Variants in PLCE1 observed in about 807,000 individuals in gnomAD.
PLCE1 encodes the protein 1-phosphatidylinositol 4,5-bisphosphate phosphodiesterase epsilon-1.
PLCE1 carries 119 observed loss-of-function variants against 242.8 expected under a neutral mutation model. The observed-to-expected ratio is 0.49, with a 90% CI of 0.42 to 0.57. The LOEUF is 0.57. PLCE1 is among the 20% of genes least tolerant of loss of function. The probability of loss-of-function intolerance (pLI) is 0.00; values close to 1 mark genes in which losing one functional copy is unlikely to be tolerated. For synonymous variants in PLCE1, 945 were observed against 1,017.4 expected (o/e 0.93, Z 1.35); for missense variants, 2,441 against 2,788.8 (o/e 0.88, Z 2.81).
chr10:94,310,423 C>T (rs901643555), intron 27 of PLCE1, among the ~76,000 whole-genome samples: 1 of 152,122 alleles, frequency 6.6e-6, no homozygotes, highest in Non-Finnish European at 1.5e-5. Flanking sequence ...GTGCACAGGC[C>T]ACACCCCGCA....
Position 94,032,257 on chromosome 10 carries a change from G to A in PLCE1, c.1206+5G>A. 1.9e-6 allele frequency: 3 copies of A among 1,612,640 alleles called. No individual in the cohort carries two copies. Among genetic ancestry groups the A allele is most frequent in the East Asian group, 2.2e-5 (1 of 44,838 alleles). On this transcript the variant is annotated splice_donor_5th_base_variant and intron_variant, in intron 2 of 32. Coordinates refer to ENST00000371380, the MANE Select transcript of PLCE1 (RefSeq NM_016341.4). ...TCAGAAGCCCAGTGGTATCCTGTAAGCATTTGAGTTTCTTTTTACCATTTC... is the reference window on the plus strand; with the variant it reads ...TCAGAAGCCCAGTGGTATCCTGTAAACATTTGAGTTTCTTTTTACCATTTC...
intron 2 of PLCE1, among the ~76,000 whole-genome samples, chr10:94,086,427 C>T (rs2044827688): frequency 6.6e-6 from 1 of 152,144 alleles, no homozygotes; most frequent in Non-Finnish European, 1.5e-5. Context: ...ATATTTATGA[C>T]CACTGAGCAT....
At chr10:94,167,928 C>T (rs2047859195) in intron 3 of PLCE1, among the ~76,000 whole-genome samples, 1 of 152,038 alleles carries the variant, frequency 6.6e-6, no homozygotes, top group Non-Finnish European at 1.5e-5. Context: ...CTCAAGTGAT[C>T]CGCCAGCCTC....
intron 2 of PLCE1, chr10:94,106,034 C>T (rs1412464095): frequency 6.6e-6 from 1 of 152,230 alleles, no homozygotes; most frequent in African/African-American, 2.4e-5. Flanking sequence ...TCTATGATCA[C>T]ACTTTTAAGA....
chr10:94,209,842 T>C (rs1187893083), intron 4 of PLCE1, among the ~76,000 whole-genome samples: 2 of 152,238 alleles, frequency 1.3e-5, no homozygotes, highest in East Asian at 1.9e-4. Context: ...ACCTTTCAAC[T>C]GTGGGCTTAA....
At chr10:94,320,747 GA>G (rs2053769664) in intron 29 of PLCE1, among the ~76,000 whole-genome samples, 1 of 152,164 alleles carries the variant, frequency 6.6e-6, no homozygotes, top group South Asian at 2.1e-4. Flanking sequence ...ATCCTCATTT[GA>G]AAATGTGGTG....
rs1564899669 is a variant in PLCE1, at chr10:94,324,961, A to C, written c.6790A>C (p.Lys2264Gln). Residue 2264 changes from lysine to glutamine, a missense_variant, in exon 32 of 33, where the codon AAA becomes CAA. By Grantham distance (53) the Lys-to-Gln change is moderately conservative (BLOSUM62 1). Coordinates refer to ENST00000371380, the MANE Select transcript of PLCE1 (RefSeq NM_016341.4). The stretch of plus-strand genomic sequence containing the variant: ...ACTCAAGAAGCTCACCAAGTCAACT[A>C]AACAGCCCCGAGGACTTACATCACC... ...SELKKLTKSTKQPRGLTSPSQ... is the reference protein window; with the variant it reads ...SELKKLTKSTQQPRGLTSPSQ... 1 of 1,614,184 alleles carries C rather than the reference A, an allele frequency of 6.2e-7. No individual in the cohort carries two copies. Among genetic ancestry groups the C allele is most frequent in the Non-Finnish European group, 8.5e-7 (1 of 1,180,002 alleles).
At chr10:94,074,872 C>G (rs942856884) in intron 2 of PLCE1, among the ~76,000 whole-genome samples, 14 of 152,132 alleles carry the variant, frequency 9.2e-5, no homozygotes, top group Admixed American at 2.6e-4. Flanking sequence ...TAAAGAATAA[C>G]TTGTATAATA....
At position 94,262,532 on chromosome 10, in the gene PLCE1, A is replaced by C. The variant is rs780286250; in HGVS notation, c.3853A>C (p.Ile1285Leu). Residue 1285 changes from isoleucine to leucine, a missense_variant, in exon 14 of 33, where the codon ATT (isoleucine) becomes CTT (leucine). Ile to Leu is a conservative substitution (Grantham distance 5). This residue lies in a region of PLCE1 where 1,004 missense variants were observed against 1,322.7 expected (regional missense o/e 0.76). Coordinates refer to ENST00000371380, the MANE Select transcript of PLCE1 (RefSeq NM_016341.4). ...AAATGTCTCGGATTTGGGGTTGTTC[A>C]TTAAGAGTAAACAGCAGCTATCGGA... The part of the protein sequence containing the change: ...TRNVSDLGLF[I>L]KSKQQLSDNQ... 39 of 1,613,902 alleles carry C rather than the reference A, an allele frequency of 2.4e-5. 1 individual carries two copies. Among genetic ancestry groups the C allele is most frequent in the Admixed American group, 6.7e-5 (4 of 59,998 alleles).
At chr10:94,018,402 C>A (rs1209639496) in intron 1 of PLCE1, among the ~76,000 whole-genome samples, 1 of 152,196 alleles carries the variant, frequency 6.6e-6, no homozygotes, top group Admixed American at 6.5e-5. Context: ...CTACTCTGCC[C>A]TTGCTAAACA....
rs144767424 is a variant in PLCE1, at chr10:94,173,839, A to G, written c.1809+2343A>G. Among the ~76,000 whole-genome samples the G allele has an allele frequency of 7.3e-3, 1,119 of 152,342 alleles. 16 individuals carry two copies. Among genetic ancestry groups the G allele is most frequent in the African/African-American group, 0.025 (1,056 of 41,580 alleles). On this transcript the variant is annotated intron_variant, in intron 4 of 32. Transcript: ENST00000371380. ...CAAGTATTCTCAAGCATCTATTTTC[A>G]TACAAATTATGGGTATGCTGATTAA... is the stretch of plus-strand genomic sequence containing the variant.
At chr10:94,231,842 T>A (rs1026427493) in intron 5 of PLCE1, among the ~76,000 whole-genome samples, 1 of 152,168 alleles carries the variant, frequency 6.6e-6, no homozygotes, top group East Asian at 1.9e-4. Context: ...CCACTGCTGA[T>A]CTGACAGCAG....
rs761942331 is a variant in PLCE1, at chr10:94,031,588, A to G, written c.542A>G (p.Asp181Gly). 4.3e-6 allele frequency: 7 copies of G among 1,612,660 alleles called. No homozygotes were observed. The East Asian group carries it at 6.7e-5, about 15-fold the overall frequency. ...ATAGAGACAGGCAGAGCACACCCTG[A>G]CAGCAGAAGGGCAGTATTTCATTTT... ...VIIETGRAHP[D>G]SRRAVFHFHY... The change falls in exon 2 of 33, where the codon GAC (aspartate) becomes GGC (glycine). Residue 181 changes from aspartate to glycine, a missense_variant. Physicochemically the swap from Asp to Gly is moderately conservative, Grantham distance 94. Transcript: ENST00000371380.
At chr10:93,996,854 C>T (rs1564613978) in intron 1 of PLCE1, among the ~76,000 whole-genome samples, 1 of 152,180 alleles carries the variant, frequency 6.6e-6, no homozygotes, top group Non-Finnish European at 1.5e-5. Flanking sequence ...CTACATGCAG[C>T]TAGTGGCTAC....
chr10:94,285,086 G>T (rs1016457676), intron 22 of PLCE1, 121 bp downstream of exon 22: 3 of 679,998 alleles, frequency 4.4e-6, no homozygotes, highest in African/African-American at 3.6e-5. Context: ...TGAAATCATT[G>T]TTATAATACC....
At chr10:94,060,794 T>C (rs997638028) in intron 2 of PLCE1, among the ~76,000 whole-genome samples, 6 of 151,062 alleles carry the variant, frequency 4.0e-5, no homozygotes, top group Admixed American at 1.3e-4. Flanking sequence ...CCTCCCAGGC[T>C]CAAGTAGTCC....
intron 3 of PLCE1, among the ~76,000 whole-genome samples, chr10:94,137,346 C>T (rs2046814507): frequency 6.6e-6 from 1 of 152,096 alleles, no homozygotes; most frequent in Non-Finnish European, 1.5e-5. Context: ...CTATCACCTG[C>T]TTTTTCTTTT....
At chr10:94,078,928 G>C (rs1305938958) in intron 2 of PLCE1, among the ~76,000 whole-genome samples, 1 of 152,188 alleles carries the variant, frequency 6.6e-6, no homozygotes, top group Admixed American at 6.5e-5. Flanking sequence ...CAGGGAATGG[G>C]CTTCTGGAAG....
Position 94,318,445 on chromosome 10 carries a change from T to TCAAA in PLCE1, c.6342+1692_6342+1695dup, listed in dbSNP as rs1422844051. 1.8e-4 allele frequency among the ~76,000 whole-genome samples: 28 copies of TCAAA among 152,336 alleles called. No homozygotes were observed. The East Asian group carries it at 5.0e-3, about 27-fold the overall frequency. On this transcript the variant is annotated intron_variant, in intron 29 of 32. Coordinates refer to ENST00000371380, the MANE Select transcript of PLCE1 (RefSeq NM_016341.4). ...GTATGATTTACAGCGTTGAAAGCCCTCAAACACTATGTTGAATGATATAAT... is the reference window on the plus strand; with the variant it reads ...GTATGATTTACAGCGTTGAAAGCCCTCAAACAAACACTATGTTGAATGATATAAT...
Sources: allele counts gnomAD v4.1 joint callset (sites outside exome capture counted in the v4.1 genomes callset), GRCh38; gene constraint gnomAD v4.1.1; regional missense constraint gnomAD v4.1.1; transcripts MANE v1.5; gene names NCBI Gene and HGNC (gene_info 2026-07-23, HGNC 2026-07-21).